The following TBC1D5 variants were observed in gnomAD, a reference collection of about 807,000 sequenced individuals.
TBC1D5 encodes the protein TBC1 domain family, member 5.
In TBC1D5, 75 loss-of-function variants were observed where a neutral mutation model predicts 100.3. That is an observed-to-expected ratio of 0.75 (90% confidence interval 0.62 to 0.91). The LOEUF is 0.91. Among genes scored for constraint, TBC1D5 ranks in the 40% least tolerant of loss-of-function variants. The pLI, the probability that TBC1D5 is intolerant of heterozygous loss-of-function variation, is 0.00. For synonymous variants in TBC1D5, 323 were observed against 325.6 expected (o/e 0.99, Z 0.09); for missense variants, 910 against 942.4 (o/e 0.97, Z 0.45).
chr3:17,695,991 G>A (rs762703169), intron 1 of TBC1D5, among the ~76,000 whole-genome samples: 15 of 152,190 alleles, frequency 9.9e-5, no homozygotes, highest in Non-Finnish European at 2.1e-4. Flanking sequence ...ACTTATTCCT[G>A]AATGACTACT....
intron 13 of TBC1D5, among the ~76,000 whole-genome samples, chr3:17,339,767 G>A (rs1346006952): frequency 1.3e-5 from 2 of 152,162 alleles, no homozygotes; most frequent in Admixed American, 6.5e-5. Context: ...AAGTTGAGAA[G>A]ATAATCCTTT....
At chr3:17,394,693 A>C (rs560687909) in intron 8 of TBC1D5, among the ~76,000 whole-genome samples, 17 of 152,260 alleles carry the variant, frequency 1.1e-4, no homozygotes, top group African/African-American at 3.4e-4. Flanking sequence ...TTGAACTTCT[A>C]AAACAGTGGC....
intron 3 of TBC1D5, among the ~76,000 whole-genome samples, chr3:17,489,307 C>G (rs1560003184): frequency 6.6e-6 from 1 of 152,122 alleles, no homozygotes; most frequent in African/African-American, 2.4e-5. Context: ...CTATCCTTGA[C>G]TCATCTCATC....
chr3:17,480,662 G>A (rs1323084346), intron 3 of TBC1D5, among the ~76,000 whole-genome samples: 1 of 152,046 alleles, frequency 6.6e-6, no homozygotes, highest in Admixed American at 6.5e-5. Context: ...GCTACCCACT[G>A]CAGCTCTCCT....
intron 3 of TBC1D5, among the ~76,000 whole-genome samples, chr3:17,457,035 G>A (rs2095102670): frequency 6.6e-6 from 1 of 152,040 alleles, no homozygotes; most frequent in African/African-American, 2.4e-5. Context: ...AATATTTTGG[G>A]GGGTAGAATC....
At chr3:17,735,075 A>G (rs1226373463) in intron 1 of TBC1D5, among the ~76,000 whole-genome samples, 2 of 152,222 alleles carry the variant, frequency 1.3e-5, no homozygotes, top group Non-Finnish European at 2.9e-5. Flanking sequence ...CCTGGGCAAC[A>G]GAGCAAGACC....
At chr3:17,616,920 A>G (rs2062215041) in intron 2 of TBC1D5, among the ~76,000 whole-genome samples, 2 of 152,102 alleles carry the variant, frequency 1.3e-5, no homozygotes, top group Admixed American at 1.3e-4. Flanking sequence ...TGTGAATTTG[A>G]TCCTGTCATT....
At chr3:17,620,382 T>G (rs531547715) in intron 2 of TBC1D5, among the ~76,000 whole-genome samples, 1 of 152,334 alleles carries the variant, frequency 6.6e-6, no homozygotes, top group Non-Finnish European at 1.5e-5. Context: ...TATTTGTAAT[T>G]GTAAAATAGT....
Position 17,372,061 on chromosome 3 carries a change from A to C in TBC1D5, c.995+14T>G, listed in dbSNP as rs760512337. 7.5e-6 allele frequency: 12 copies of C among 1,593,510 alleles called. No individual in the cohort carries two copies. The Middle Eastern group carries it at 6.7e-4, about 89-fold the overall frequency. ...CAAAAAACAAACAAACAAACAAAGA[A>C]CTTTAATACTTACAACCCATATATC... On this transcript the variant is annotated intron_variant, in intron 13 of 21. Transcript: ENST00000253692.
chr3:17,530,093 A>G (rs2096199138), intron 2 of TBC1D5, among the ~76,000 whole-genome samples: 1 of 152,076 alleles, frequency 6.6e-6, no homozygotes, highest in Non-Finnish European at 1.5e-5. Context: ...AAAATACAAA[A>G]ATTAGCCAGA....
chr3:17,214,151 C>T (rs372812115), intron 18 of TBC1D5, 56 bp downstream of exon 19: 1 of 1,541,750 alleles, frequency 6.5e-7, no homozygotes, highest in South Asian at 1.3e-5. Flanking sequence ...TTCATAAATG[C>T]AGCACTCTAG....
intron 2 of TBC1D5, among the ~76,000 whole-genome samples, chr3:17,517,945 G>C (rs1238995409): frequency 6.6e-6 from 1 of 152,086 alleles, no homozygotes; most frequent in African/African-American, 2.4e-5. Context: ...ATGAAATAAA[G>C]TATATGGGGA....
intron 3 of TBC1D5, among the ~76,000 whole-genome samples, chr3:17,447,393 G>T (rs1238607644): frequency 6.6e-6 from 1 of 152,122 alleles, no homozygotes; most frequent in Non-Finnish European, 1.5e-5. Flanking sequence ...TATAAGAGTT[G>T]AGAGATAACT....
intron 1 of TBC1D5, among the ~76,000 whole-genome samples, chr3:17,705,070 C>A (rs2073870784): frequency 7.3e-6 from 1 of 136,216 alleles, no homozygotes; most frequent in African/African-American, 2.7e-5. Context: ...CCACCTCCCT[C>A]CCGGACGGCA....
chr3:17,310,347 C>A (rs1029819450), intron 13 of TBC1D5, among the ~76,000 whole-genome samples: 1 of 152,036 alleles, frequency 6.6e-6, no homozygotes, highest in African/African-American at 2.4e-5. Context: ...CAATGCATGT[C>A]TTTAGCACTT....
intron 13 of TBC1D5, among the ~76,000 whole-genome samples, chr3:17,363,964 A>T (rs2091929035): frequency 6.7e-6 from 1 of 148,742 alleles, no homozygotes; most frequent in Non-Finnish European, 1.5e-5. Flanking sequence ...TATTGGACTA[A>T]TTTTTTTTTT....
intron 2 of TBC1D5, among the ~76,000 whole-genome samples, chr3:17,581,517 C>T (rs1426114013): frequency 6.6e-6 from 1 of 152,144 alleles, no homozygotes; most frequent in African/African-American, 2.4e-5. Context: ...TAATTTTCCC[C>T]TTCTTCATTA....
chr3:17,460,968 T>TAG (rs977718465), intron 3 of TBC1D5, among the ~76,000 whole-genome samples: 3 of 152,186 alleles, frequency 2.0e-5, no homozygotes, highest in African/African-American at 7.2e-5. Context: ...CAGACTAATA[T>TAG]AGAAGTCTTG....
intron 4 of TBC1D5, among the ~76,000 whole-genome samples, chr3:17,407,044 A>G (rs2093789323): frequency 6.6e-6 from 1 of 152,114 alleles, no homozygotes; most frequent in African/African-American, 2.4e-5. Flanking sequence ...TTCTTTCTAC[A>G]TGATCAGTTT....
Sources: allele counts gnomAD v4.1 joint callset (sites outside exome capture counted in the v4.1 genomes callset), GRCh38; gene constraint gnomAD v4.1.1; transcripts MANE v1.5; gene names NCBI Gene and HGNC (gene_info 2026-07-23, HGNC 2026-07-21).